The following LSAMP variants were observed in gnomAD, a reference collection of about 807,000 sequenced individuals.
The protein encoded by LSAMP is limbic system associated membrane protein, also known as limbic system-associated membrane protein.
In LSAMP, 7 loss-of-function variants were observed where a neutral mutation model predicts 38.6. The observed-to-expected ratio is 0.18, with a 90% CI of 0.10 to 0.34. The LOEUF (loss-of-function observed/expected upper bound fraction) is 0.34. LSAMP is among the 10% of genes least tolerant of loss of function. LSAMP has a pLI of 1.00. For synonymous variants in LSAMP, 154 were observed against 166.8 expected (o/e 0.92, Z 0.59); for missense variants, 313 against 420.0 (o/e 0.75, Z 2.23).
intron 1 of LSAMP, among the ~76,000 whole-genome samples, chr3:116,302,749 A>G (rs2047427591): frequency 6.6e-6 from 1 of 152,218 alleles, no homozygotes; most frequent in Admixed American, 6.5e-5. Context: ...ACAGTAGAAG[A>G]CAAATAACAT....
intron 1 of LSAMP, among the ~76,000 whole-genome samples, chr3:116,322,213 A>G (rs1238911946): frequency 6.6e-6 from 1 of 152,194 alleles, no homozygotes; most frequent in Non-Finnish European, 1.5e-5. Flanking sequence ...TTTCTCACTC[A>G]GTAACATCCT....
intron 6 of LSAMP, among the ~76,000 whole-genome samples, chr3:115,826,667 A>C (rs1451818228): frequency 6.6e-6 from 1 of 152,226 alleles, no homozygotes; most frequent in Non-Finnish European, 1.5e-5. Flanking sequence ...TTCTTTGAGT[A>C]AATGAATGGT....
At chr3:116,273,803 TTTTC>T (rs796816262) in intron 1 of LSAMP, among the ~76,000 whole-genome samples, 1,911 of 145,232 alleles carry the variant, frequency 0.013, 40 homozygotes, top group African/African-American at 0.043. Context: ...ATCTTTCTCT[TTTTC>T]TTTCTTTCTC....
chr3:116,384,135 T>C (rs2048595624), intron 1 of LSAMP, among the ~76,000 whole-genome samples: 1 of 152,084 alleles, frequency 6.6e-6, no homozygotes, highest in South Asian at 2.1e-4. Flanking sequence ...AACAGTAATC[T>C]ACCATCTTTC....
chr3:115,994,979 C>T (rs993746836), intron 3 of LSAMP, among the ~76,000 whole-genome samples: 17 of 152,040 alleles, frequency 1.1e-4, no homozygotes, highest in East Asian at 9.7e-4. Flanking sequence ...TGCTGGGCAT[C>T]GCACAATGCC....
chr3:116,358,305 A>C (rs758284980), intron 1 of LSAMP, among the ~76,000 whole-genome samples: 2 of 152,194 alleles, frequency 1.3e-5, no homozygotes, highest in African/African-American at 2.4e-5. Context: ...TTTTTTCCTC[A>C]ATGGAGGTGT....
At chr3:116,127,595 T>G (rs1228053891) in intron 1 of LSAMP, among the ~76,000 whole-genome samples, 3 of 151,698 alleles carry the variant, frequency 2.0e-5, no homozygotes, top group African/African-American at 7.3e-5. Context: ...AAATAAAAGC[T>G]GAGAAAGTAA....
intron 3 of LSAMP, among the ~76,000 whole-genome samples, chr3:115,997,911 ATATACATATAATAGC>A (rs896894496): frequency 6.8e-6 from 1 of 147,080 alleles, no homozygotes; most frequent in African/African-American, 2.5e-5. Context: ...TAAAATACAT[ATATACATATAATAGC>A]TATACATATA....
chr3:116,079,630 T>G (rs1478190770), intron 2 of LSAMP, among the ~76,000 whole-genome samples: 1 of 70,154 alleles, frequency 1.4e-5, no homozygotes, highest in Non-Finnish European at 2.7e-5. Context: ...AGACTCTGTC[T>G]CAAAAAAAAA....
intron 4 of LSAMP, among the ~76,000 whole-genome samples, chr3:115,848,249 C>A (rs1377246968): frequency 1.3e-5 from 2 of 152,162 alleles, no homozygotes; most frequent in Non-Finnish European, 1.5e-5. Flanking sequence ...CACAGTGAAT[C>A]CATGTCTCTA....
chr3:116,397,072 A>G (rs2048777938), intron 1 of LSAMP, among the ~76,000 whole-genome samples: 1 of 152,118 alleles, frequency 6.6e-6, no homozygotes, highest in South Asian at 2.1e-4. Flanking sequence ...TTCTTTGAAA[A>G]CGTTAAGTCA....
At chr3:115,941,466 C>T (rs1212243954) in intron 3 of LSAMP, among the ~76,000 whole-genome samples, 2 of 152,098 alleles carry the variant, frequency 1.3e-5, no homozygotes, top group Non-Finnish European at 1.5e-5. Context: ...GAAAAGTTAT[C>T]TGTACCGCCA....
intron 1 of LSAMP, among the ~76,000 whole-genome samples, chr3:116,237,050 A>G (rs2046473703): frequency 6.6e-6 from 1 of 151,978 alleles, no homozygotes; most frequent in African/African-American, 2.4e-5. Flanking sequence ...TTGTAAGGTA[A>G]AATTGAAGAC....
At chr3:116,354,610 G>A (rs937834336) in intron 1 of LSAMP, among the ~76,000 whole-genome samples, 1 of 152,304 alleles carries the variant, frequency 6.6e-6, no homozygotes, top group East Asian at 1.9e-4. Context: ...GTTTAAAGCT[G>A]ACTTGGGCAT....
intron 6 of LSAMP, among the ~76,000 whole-genome samples, chr3:115,822,767 A>G (rs989638473): frequency 1.3e-5 from 2 of 152,204 alleles, no homozygotes; most frequent in African/African-American, 4.8e-5. Flanking sequence ...ATATTTGAGA[A>G]AGGAAGTTGG....
chr3:116,111,996 C>G (rs1708626682), intron 1 of LSAMP, among the ~76,000 whole-genome samples: 1 of 152,232 alleles, frequency 6.6e-6, no homozygotes, highest in African/African-American at 2.4e-5. Context: ...GTAGGTAGGA[C>G]AGCTCCTTCT....
chr3:116,140,450 C>T (rs776546488), intron 1 of LSAMP, among the ~76,000 whole-genome samples: 4 of 151,878 alleles, frequency 2.6e-5, no homozygotes, highest in Non-Finnish European at 5.9e-5. Flanking sequence ...TATTTAAACG[C>T]GATGAGATCC....
At chr3:116,193,060 A>C (rs1710791773) in intron 1 of LSAMP, among the ~76,000 whole-genome samples, 1 of 152,186 alleles carries the variant, frequency 6.6e-6, no homozygotes, top group Non-Finnish European at 1.5e-5. Flanking sequence ...GGGCGATGTT[A>C]TTATTCTTTA....
chr3:115,913,354 G>GT (rs1215235365), intron 3 of LSAMP, among the ~76,000 whole-genome samples: 7 of 152,158 alleles, frequency 4.6e-5, no homozygotes, highest in Non-Finnish European at 7.3e-5. Flanking sequence ...CATGCAGTTG[G>GT]TTTTATTGAC....
Sources: allele counts gnomAD v4.1 joint callset (sites outside exome capture counted in the v4.1 genomes callset), GRCh38; gene constraint gnomAD v4.1.1; transcripts MANE v1.5; gene names NCBI Gene and HGNC (gene_info 2026-07-23, HGNC 2026-07-21).